SNX29: variants seen among roughly 807,000 people sequenced by gnomAD.
SNX29 encodes sorting nexin 29, also known as sorting nexin-29.
SNX29 carries 78 observed loss-of-function variants against 102.1 expected under a neutral mutation model. The observed-to-expected ratio is 0.76, with a 90% CI of 0.64 to 0.92. The LOEUF (loss-of-function observed/expected upper bound fraction) is 0.92, where lower values mean the gene tolerates loss of function less well. Ranked by LOEUF, SNX29 falls within the 40% of genes least tolerant of loss-of-function variation. SNX29 has a pLI of 0.00. For synonymous variants in SNX29, 580 were observed against 414.5 expected (o/e 1.40, Z -4.85); for missense variants, 1,280 against 1,061.7 (o/e 1.21, Z -2.86).
intron 20 of SNX29, among the ~76,000 whole-genome samples, chr16:12,530,313 G>C (rs1196112477): frequency 2.0e-5 from 3 of 152,190 alleles, no homozygotes; most frequent in Admixed American, 2.0e-4. Flanking sequence ...CCAACAGACA[G>C]GGAGCCTCGG....
chr16:12,439,170 T>C (rs1372899953), intron 18 of SNX29, among the ~76,000 whole-genome samples: 1 of 152,172 alleles, frequency 6.6e-6, no homozygotes, highest in East Asian at 1.9e-4. Flanking sequence ...TGAGAAAGTG[T>C]CATTTGCCAG....
rs766793958 is a variant in SNX29, at chr16:12,043,027, C to A, written c.378C>A (p.His126Gln). ...RAWLRCALNE[H>Q]SLERYLHMLL... is the part of the protein sequence containing the mutation. The stretch of plus-strand genomic sequence containing the variant: ...GGCTGCGCTGTGCCCTCAACGAACA[C>A]TCCCTGGAGCGCTACCTGCACATGC... The change falls in exon 5 of 21, where the codon CAC (histidine) becomes CAA (glutamine). Residue 126 changes from histidine to glutamine, a missense_variant. Coordinates refer to ENST00000566228, the MANE Select transcript of SNX29 (RefSeq NM_032167.5). 1 of 1,613,556 alleles carries A rather than the reference C, an allele frequency of 6.2e-7. No homozygotes were observed. The highest frequency in any genetic ancestry group is 1.7e-5 in the Admixed American group (1 of 60,020).
At chr16:12,100,673 G>A (rs1277866025) in intron 11 of SNX29, among the ~76,000 whole-genome samples, 3 of 151,286 alleles carry the variant, frequency 2.0e-5, no homozygotes, top group Admixed American at 1.3e-4. Flanking sequence ...CCAGGACAGA[G>A]GCCCTGGGTG....
chr16:12,471,277 A>G lies in SNX29; in HGVS notation c.2038-6442A>G, dbSNP rs529311888. Among the ~76,000 whole-genome samples the G allele has an allele frequency of 3.3e-5, 5 of 152,270 alleles. No homozygotes were observed. In the South Asian group the frequency reaches 6.2e-4, roughly 19 times the overall value. Reference sequence around the variant, plus strand: ...GTGCATGTTTGTGTGTGTGTCTGAGATAAATTTTACCCTGGAATGTTGACT... The same window carrying G: ...GTGCATGTTTGTGTGTGTGTCTGAGGTAAATTTTACCCTGGAATGTTGACT... On this transcript the variant is annotated intron_variant, in intron 18 of 20. Coordinates refer to ENST00000566228, the MANE Select transcript of SNX29 (RefSeq NM_032167.5).
intron 15 of SNX29, among the ~76,000 whole-genome samples, chr16:12,327,166 G>T (rs2081144798): frequency 6.6e-6 from 1 of 152,006 alleles, no homozygotes; most frequent in South Asian, 2.1e-4. Flanking sequence ...TTAATTTCAT[G>T]TTTTTTGTGT....
At chr16:12,030,765 C>G (rs749531971) in intron 4 of SNX29, among the ~76,000 whole-genome samples, 1 of 152,198 alleles carries the variant, frequency 6.6e-6, no homozygotes, top group Non-Finnish European at 1.5e-5. Flanking sequence ...AGTGCGTGAT[C>G]TGGCTTCTTG....
intron 19 of SNX29, among the ~76,000 whole-genome samples, chr16:12,506,751 AAAG>A (rs1167911138): frequency 2.0e-5 from 3 of 152,214 alleles, no homozygotes; most frequent in Admixed American, 2.0e-4. Flanking sequence ...GAATGGTGGT[AAAG>A]AAGACAGCTG....
intron 18 of SNX29, among the ~76,000 whole-genome samples, chr16:12,473,120 A>T (rs1206791795): frequency 6.6e-6 from 1 of 152,224 alleles, no homozygotes; most frequent in African/African-American, 2.4e-5. Context: ...AAACAAAACA[A>T]AAAATTCTAA....
At chr16:12,407,647 T>C (rs908175206) in intron 18 of SNX29, among the ~76,000 whole-genome samples, 1 of 152,196 alleles carries the variant, frequency 6.6e-6, no homozygotes, top group African/African-American at 2.4e-5. Flanking sequence ...TCAATCCTTG[T>C]AGCCATCCTG....
intron 16 of SNX29, among the ~76,000 whole-genome samples, chr16:12,368,527 A>G (rs1158666937): frequency 6.6e-6 from 1 of 152,234 alleles, no homozygotes; most frequent in Non-Finnish European, 1.5e-5. Context: ...CGTGGAAAAT[A>G]CAGTCCCTGC....
intron 5 of SNX29, among the ~76,000 whole-genome samples, chr16:12,045,474 A>G (rs1162140265): frequency 6.6e-6 from 1 of 152,084 alleles, no homozygotes; most frequent in African/African-American, 2.4e-5. Context: ...TATTGGCCAG[A>G]TGACCTTGGA....
chr16:12,133,281 G>GTTTTTTTT lies in SNX29; in HGVS notation c.1595+3543_1595+3550dup. Among the ~76,000 whole-genome samples the GTTTTTTTT allele has an allele frequency of 3.0e-5, 2 of 66,900 alleles. 1 individual carries two copies. The highest frequency in any genetic ancestry group is 1.4e-3 in the South Asian group (2 of 1,448). The allele number at this position is 66,900 out of a possible 152,430, so 43.9% of individuals were successfully genotyped here. ...CTCTGTTTCTGTTTCCTTAGTGTGG[G>GTTTTTTTT]TTTTTTTTTTTTTTTTTTTTTTTTT... On this transcript the variant is annotated intron_variant, in intron 13 of 20. Coordinates refer to ENST00000566228, the MANE Select transcript of SNX29 (RefSeq NM_032167.5).
intron 14 of SNX29, among the ~76,000 whole-genome samples, chr16:12,224,249 C>T (rs566121786): frequency 4.9e-4 from 74 of 152,308 alleles, no homozygotes; most frequent in African/African-American, 1.4e-3. Flanking sequence ...CTGCATTCCT[C>T]CCTCTCCTCT....
At chr16:12,507,835 G>A (rs1401688043) in intron 19 of SNX29, among the ~76,000 whole-genome samples, 1 of 152,096 alleles carries the variant, frequency 6.6e-6, no homozygotes. Flanking sequence ...GACAGGTGGC[G>A]CTTCTGTGCT....
intron 18 of SNX29, among the ~76,000 whole-genome samples, chr16:12,436,710 G>GC (rs909456093): frequency 1.8e-4 from 28 of 152,346 alleles, no homozygotes; most frequent in African/African-American, 5.5e-4. Flanking sequence ...TGTGGCCCAG[G>GC]CTGGAGTACA....
At chr16:12,536,238 C>CT (rs1383461505) in intron 20 of SNX29, among the ~76,000 whole-genome samples, 2 of 151,788 alleles carry the variant, frequency 1.3e-5, no homozygotes, top group East Asian at 1.9e-4. Context: ...ATGTTTTTTT[C>CT]TTTTTTATGC....
chr16:12,362,344 A>G (rs1034679787), intron 16 of SNX29, among the ~76,000 whole-genome samples: 3 of 152,156 alleles, frequency 2.0e-5, no homozygotes, highest in South Asian at 2.1e-4. Context: ...AAACCCAGAG[A>G]TCTTGCCCTG....
At chr16:12,012,673 C>T (rs2056693481) in intron 3 of SNX29, among the ~76,000 whole-genome samples, 1 of 152,070 alleles carries the variant, frequency 6.6e-6, no homozygotes, top group South Asian at 2.1e-4. Context: ...TCCCAAAGTG[C>T]TGGGATTACA....
intron 19 of SNX29, among the ~76,000 whole-genome samples, chr16:12,501,080 G>A (rs1293322367): frequency 2.0e-5 from 3 of 152,150 alleles, no homozygotes; most frequent in African/African-American, 4.8e-5. Context: ...GGCTCTCACC[G>A]CTTCTGCCTC....
Sources: gnomAD v4.1 joint callset for allele counts (sites outside exome capture counted in the v4.1 genomes callset) on GRCh38, gnomAD v4.1.1 for gene constraint, MANE v1.5 for transcripts, NCBI Gene and HGNC (gene_info 2026-07-23, HGNC 2026-07-21) for gene names.